The following DDR2 variants were observed in gnomAD, a reference collection of about 807,000 sequenced individuals.
DDR2 encodes discoidin domain-containing receptor 2.
Under a neutral mutation model 94.9 loss-of-function variants are expected in DDR2, and 27 were observed. That is an observed-to-expected ratio of 0.28 (90% CI 0.21 to 0.39). The LOEUF (loss-of-function observed/expected upper bound fraction) is 0.39. Among genes scored for constraint, DDR2 ranks in the 10% least tolerant of loss-of-function variants. The pLI, the probability that DDR2 is intolerant of heterozygous loss-of-function variation, is 1.00. For missense variants in DDR2, 783 were observed against 1,076.0 expected, an observed-to-expected ratio of 0.73 and a Z score of 3.81; for synonymous variants, 382 against 377.2, an observed-to-expected ratio of 1.01 and a Z score of -0.15.
At chr1:162,677,866 T>C (rs910724445) in intron 2 of DDR2, among the ~76,000 whole-genome samples, 1 of 152,264 alleles carries the variant, frequency 6.6e-6, no homozygotes, top group African/African-American at 2.4e-5. Context: ...ACATCTACTT[T>C]ATATACAATT....
intron 2 of DDR2, among the ~76,000 whole-genome samples, chr1:162,707,216 AT>A (rs1302859570): frequency 6.6e-6 from 1 of 152,120 alleles, no homozygotes; most frequent in East Asian, 1.9e-4. Context: ...AAAGGGGTAG[AT>A]TAAGTTTAGA....
intron 2 of DDR2, among the ~76,000 whole-genome samples, chr1:162,716,707 CT>C (rs200165734): frequency 0.011 from 1,502 of 141,146 alleles, 2 homozygotes; most frequent in African/African-American, 0.015. Flanking sequence ...GACTACATTG[CT>C]TTTTTTTTTT....
intron 3 of DDR2, among the ~76,000 whole-genome samples, chr1:162,722,706 A>G (rs1233311457): frequency 6.6e-6 from 1 of 152,256 alleles, no homozygotes; most frequent in African/African-American, 2.4e-5. Context: ...TGACTTGGTC[A>G]TAAATTAATT....
At chr1:162,668,867 A>G (rs1353249455) in intron 2 of DDR2, among the ~76,000 whole-genome samples, 3 of 152,190 alleles carry the variant, frequency 2.0e-5, no homozygotes, top group Non-Finnish European at 2.9e-5. Context: ...ACTGTTAAAG[A>G]TATCTTTCTA....
At chr1:162,641,356 C>G (rs1051505633) in intron 1 of DDR2, among the ~76,000 whole-genome samples, 1 of 152,196 alleles carries the variant, frequency 6.6e-6, no homozygotes, top group African/African-American at 2.4e-5. Context: ...TGTCCCCATA[C>G]TCTCTGAATA....
intron 7 of DDR2, among the ~76,000 whole-genome samples, chr1:162,758,771 C>A (rs138637438): frequency 2.0e-4 from 31 of 152,250 alleles, no homozygotes; most frequent in Non-Finnish European, 3.2e-4. Flanking sequence ...TATTATTGAT[C>A]TAGCTCTAAA....
chr1:162,701,651 C>T (rs896917078), intron 2 of DDR2, among the ~76,000 whole-genome samples: 6 of 152,198 alleles, frequency 3.9e-5, no homozygotes, highest in African/African-American at 1.4e-4. Context: ...CTCCCTACAG[C>T]CTCACAAGTA....
intron 2 of DDR2, among the ~76,000 whole-genome samples, chr1:162,697,976 A>C (rs1351460173): frequency 2.0e-5 from 3 of 152,164 alleles, no homozygotes; most frequent in Admixed American, 2.0e-4. Flanking sequence ...TTTCATTTCT[A>C]ACCCTAAAAA....
intron 2 of DDR2, among the ~76,000 whole-genome samples, chr1:162,688,210 G>T (rs1659784838): frequency 1.3e-5 from 2 of 152,274 alleles, no homozygotes; most frequent in South Asian, 4.2e-4. Flanking sequence ...CACGTACAAG[G>T]ACACAACTTC....
intron 2 of DDR2, among the ~76,000 whole-genome samples, chr1:162,688,019 G>A (rs116001119): frequency 6.6e-6 from 1 of 152,182 alleles, no homozygotes; most frequent in Non-Finnish European, 1.5e-5. Flanking sequence ...AAAGGTGACT[G>A]TTTTGGAAAC....
intron 4 of DDR2, among the ~76,000 whole-genome samples, 181 bp downstream of exon 4, chr1:162,753,378 T>C (rs1218947063): frequency 1.3e-5 from 2 of 152,178 alleles, no homozygotes; most frequent in African/African-American, 4.8e-5. Flanking sequence ...AATTTAGGAC[T>C]TAGCCACATG....
In DDR2 at chr1:162,692,975, C is replaced by CT. The variant is rs1463213601; in HGVS notation, c.-27-26057dup. Among the ~76,000 whole-genome samples the CT allele has an allele frequency of 4.6e-5, 7 of 152,262 alleles. No individual in the cohort carries two copies. The East Asian group carries it at 1.3e-3, about 29-fold the overall frequency. On this transcript the variant is annotated intron_variant, in intron 2 of 17. Coordinates refer to ENST00000367921, the MANE Select transcript of DDR2 (RefSeq NM_006182.4). ...TTATAGGCTATTTGTGAAGTGGAAT[C>CT]TTTTTAAACTATGAAAAAGCATGAC...
intron 1 of DDR2, among the ~76,000 whole-genome samples, chr1:162,633,556 A>G (rs919023741): frequency 6.6e-6 from 1 of 152,248 alleles, no homozygotes; most frequent in Non-Finnish European, 1.5e-5. Context: ...CAAGTCCCAC[A>G]GCACATCTGT....
chr1:162,643,743 A>C (rs1657266177), intron 1 of DDR2, among the ~76,000 whole-genome samples: 1 of 152,174 alleles, frequency 6.6e-6, no homozygotes, highest in Non-Finnish European at 1.5e-5. Flanking sequence ...GGCCTCCCAA[A>C]GTGCTGGGAT....
chr1:162,641,123 A>G (rs1355951470), intron 1 of DDR2, among the ~76,000 whole-genome samples: 1 of 152,198 alleles, frequency 6.6e-6, no homozygotes, highest in Non-Finnish European at 1.5e-5. Flanking sequence ...TAATAGGGTG[A>G]GATTCTAATT....
chr1:162,773,882 T>C (rs138293875), intron 14 of DDR2, among the ~76,000 whole-genome samples: 53 of 152,326 alleles, frequency 3.5e-4, no homozygotes, highest in African/African-American at 1.2e-3. Context: ...TACAACTGTC[T>C]AAATGTGTAC....
At chr1:162,746,948 C>A (rs1005126738) in intron 3 of DDR2, among the ~76,000 whole-genome samples, 1 of 152,132 alleles carries the variant, frequency 6.6e-6, no homozygotes, top group African/African-American at 2.4e-5. Flanking sequence ...GGAAAACTAA[C>A]AAAGAGAAAG....
rs1451126259 is a variant in DDR2 at position 162,785,811 on chromosome 1, C to T, written c.*5565C>T. 6.6e-6 allele frequency: 1 copy of T among 152,162 alleles called. No individual in the cohort carries two copies. 9.4% of individuals were successfully genotyped at this position (152,162 alleles called of 1,614,324 possible). ...GTGAAGTGCATTCTCTGTTTGTATACTTTTTGATGGAGAAATTGATCTATA... is the reference window on the plus strand; with the variant it reads ...GTGAAGTGCATTCTCTGTTTGTATATTTTTTGATGGAGAAATTGATCTATA... On this transcript the variant is annotated 3_prime_UTR_variant, in exon 18 of 18. Coordinates refer to ENST00000367921, the MANE Select transcript of DDR2 (RefSeq NM_006182.4).
intron 3 of DDR2, among the ~76,000 whole-genome samples, chr1:162,748,139 C>A (rs1662978314): frequency 1.3e-5 from 2 of 152,180 alleles, no homozygotes; most frequent in African/African-American, 4.8e-5. Context: ...GGATCAAATT[C>A]ACATGTAACA....
Sources: gnomAD v4.1 joint callset for allele counts (sites outside exome capture counted in the v4.1 genomes callset) on GRCh38, gnomAD v4.1.1 for gene constraint, MANE v1.5 for transcripts, NCBI Gene and HGNC (gene_info 2026-07-23, HGNC 2026-07-21) for gene names.